COL4A4: variants seen among roughly 807,000 people sequenced by gnomAD.
COL4A4 encodes collagen alpha-4(IV) chain.
A neutral mutation model predicts 192.9 loss-of-function variants in COL4A4; 105 were observed. The ratio of observed to expected loss-of-function variants is 0.54; its 90% CI spans 0.46 to 0.64. The LOEUF (loss-of-function observed/expected upper bound fraction) is 0.64, where lower values mean the gene tolerates loss of function less well. Ranked by LOEUF, COL4A4 falls within the 30% of genes least tolerant of loss-of-function variation. The pLI, the probability that COL4A4 is intolerant of heterozygous loss-of-function variation, is 0.00. For missense variants in COL4A4, 1,967 were observed against 2,169.3 expected (o/e 0.91, Z 1.85); for synonymous variants, 762 against 769.9 (o/e 0.99, Z 0.17).
intron 18 of COL4A4, 42 bp downstream of exon 18, chr2:227,099,578 A>G (rs762170891): frequency 1.3e-6 from 2 of 1,591,142 alleles, no homozygotes; most frequent in East Asian, 2.2e-5. Flanking sequence ...CTCAACTCCT[A>G]TTTCTGCATA....
the COL4A4 span, chr2:226,997,162 C>T: frequency 6.6e-6 from 1 of 152,218 alleles, no homozygotes; most frequent in African/African-American, 2.4e-5. Context: ...CCAGTAATAT[C>T]TGAGCTCCTT....
intron 4 of COL4A4, among the ~76,000 whole-genome samples, chr2:227,138,410 G>T (rs2062966835): frequency 6.6e-6 from 1 of 152,110 alleles, no homozygotes; most frequent in African/African-American, 2.4e-5. Context: ...GAGGCTGGCG[G>T]ATCATGAGGT....
chr2:226,994,971 C>T, the COL4A4 span, among the ~76,000 whole-genome samples: 1 of 152,004 alleles, frequency 6.6e-6, no homozygotes, highest in Non-Finnish European at 1.5e-5. Context: ...TTCTTATTGG[C>T]CACATTGGGG....
chr2:227,057,711 C>T (rs1323034847), intron 28 of COL4A4, 111 bp from the exon 29 acceptor site: 8 of 1,152,308 alleles, frequency 6.9e-6, no homozygotes, highest in Non-Finnish European at 8.9e-6. Flanking sequence ...CATCCTGAAT[C>T]AGTGTTCAAA....
chr2:226,971,866 CT>C, the COL4A4 span, among the ~76,000 whole-genome samples: 1 of 149,840 alleles, frequency 6.7e-6, no homozygotes, highest in Non-Finnish European at 1.5e-5. Flanking sequence ...TGGCAAGGAA[CT>C]TATTGAACAT....
chr2:227,062,549 T>C lies in COL4A4; in HGVS notation c.2037A>G (p.Pro679=). The stretch of plus-strand genomic sequence containing the variant: ...TAATACCTGGAGGTCCATCAAAACC[T>C]GGAGGGCCATGCCTCCCAGGGTAGG... ...NVTYPGRHGP[P]GFDGPPGPKG... The change falls in exon 26 of 48, where the codon CCA becomes CCG. Residue 679 remains proline, a synonymous_variant. Transcript: ENST00000396625. 1.9e-6 allele frequency: 3 copies of C among 1,610,182 alleles called. No homozygotes were observed. The highest frequency in any genetic ancestry group is 2.5e-6 in the Non-Finnish European group (3 of 1,176,592).
Position 227,052,346 on chromosome 2 carries a change from T to C in COL4A4, c.2927A>G (p.Glu976Gly). The change falls in exon 32 of 48, where the codon GAA (glutamate) becomes GGA (glycine). Residue 976 changes from glutamate (E) to glycine (G), a missense_variant. Physicochemically the swap from Glu to Gly is moderately conservative, Grantham distance 98 (BLOSUM62 -2). Coordinates refer to ENST00000396625, the MANE Select transcript of COL4A4 (RefSeq NM_000092.5). ...AIISQKGTPG[E>G]PGPPGDDGFP... is the part of the protein sequence containing the mutation. ...TCCATCATCTCCAGGAGGTCCAGGTTCCCCAGGTGTTCCCTTTTGTGAAAT... is the reference window on the plus strand; with the variant it reads ...TCCATCATCTCCAGGAGGTCCAGGTCCCCCAGGTGTTCCCTTTTGTGAAAT... The C allele has an allele frequency of 6.2e-7, 1 of 1,613,430 alleles. No homozygotes were observed. The highest frequency in any genetic ancestry group is 8.5e-7 in the Non-Finnish European group (1 of 1,179,384).
chr2:227,014,532 A>C (rs1318003043), intron 44 of COL4A4, among the ~76,000 whole-genome samples: 3 of 152,188 alleles, frequency 2.0e-5, no homozygotes, highest in Non-Finnish European at 4.4e-5. Context: ...AGCAAACACA[A>C]GTACTGTTTA....
intron 43 of COL4A4, among the ~76,000 whole-genome samples, chr2:227,024,094 A>C (rs959047393): frequency 1.9e-4 from 29 of 152,304 alleles, no homozygotes; most frequent in Admixed American, 1.7e-3. Flanking sequence ...TACACACAGC[A>C]GAGTCTGGAT....
At chr2:227,125,040 G>A (rs2062004763) in intron 4 of COL4A4, among the ~76,000 whole-genome samples, 1 of 152,094 alleles carries the variant, frequency 6.6e-6, no homozygotes, top group Non-Finnish European at 1.5e-5. Flanking sequence ...TCTCTTTAAT[G>A]TGTTTCATTT....
At position 227,012,199 on chromosome 2, in the gene COL4A4, C is replaced by T; in HGVS notation, c.4315G>A (p.Gly1439Ser). ...ACTCTACCTGGTCCTCCAGGGTAGC[C>T]GTCTTCTCCTGTGTCACCTTTACGT... ...PGRKGDTGEDGYPGGPGPPGP... is the reference protein window; with the variant it reads ...PGRKGDTGEDSYPGGPGPPGP... Residue 1439 changes from glycine to serine, a missense_variant, in exon 45 of 48, where the codon GGC becomes AGC. Coordinates refer to ENST00000396625, the MANE Select transcript of COL4A4 (RefSeq NM_000092.5). The T allele has an allele frequency of 1.9e-6, 3 of 1,613,826 alleles. No homozygotes were observed. Among genetic ancestry groups the T allele is most frequent in the African/African-American group, 1.3e-5 (1 of 75,012 alleles).
At chr2:227,041,830 A>AAGAGAAAGAAAG (rs1456908722) in intron 37 of COL4A4, among the ~76,000 whole-genome samples, 3 of 43,462 alleles carry the variant, frequency 6.9e-5, no homozygotes, top group African/African-American at 2.6e-4. Flanking sequence ...GAAAGAAAGA[A>AAGAGAAAGAAAG]AGAAAGAAAG....
At chr2:227,026,942 A>G (rs950520594) in intron 42 of COL4A4, among the ~76,000 whole-genome samples, 2 of 152,212 alleles carry the variant, frequency 1.3e-5, no homozygotes, top group Non-Finnish European at 2.9e-5. Flanking sequence ...GAAGGAACAC[A>G]TATTTATTTC....
chr2:226,993,282 A>G, the COL4A4 span, among the ~76,000 whole-genome samples: 2 of 152,186 alleles, frequency 1.3e-5, no homozygotes, highest in Non-Finnish European at 2.9e-5. Context: ...TTCAGCCTCC[A>G]TGGGTTTCTG....
At chr2:227,032,382 C>A in intron 38 of COL4A4, 106 bp from the exon 39 acceptor site, 1 of 1,293,190 alleles carries the variant, frequency 7.7e-7, no homozygotes. Context: ...GTGGCTGGTT[C>A]TGCAGACACC....
chr2:227,013,286 GTC>G (rs748348575), intron 44 of COL4A4, among the ~76,000 whole-genome samples: 2 of 151,116 alleles, frequency 1.3e-5, no homozygotes, highest in Non-Finnish European at 1.5e-5. Context: ...TTCTCTCTCT[GTC>G]TCTCTCTCTC....
rs1272503999 is a variant in COL4A4, at chr2:227,164,125, G to C, written c.-220C>G. 2 of 152,364 alleles carry C rather than the reference G, an allele frequency of 1.3e-5. No homozygotes were observed. Among genetic ancestry groups the C allele is most frequent in the Non-Finnish European group, 2.9e-5 (2 of 68,200 alleles). The allele number at this position is 152,364 out of a possible 1,614,324, so 9.4% of individuals were successfully genotyped here. The stretch of plus-strand genomic sequence containing the variant: ...TCGCGGCGCTCTCGCAGCCAAGCCC[G>C]GCGGCCGCAAGTTGGAGGCGGGCTG... On this transcript the variant is annotated 5_prime_UTR_variant, in exon 1 of 48. Transcript: ENST00000396625. The surrounding 1 kb of genome is among the most constrained non-coding windows in gnomAD (Gnocchi z 4.8).
rs566734739 is a variant in COL4A4, at chr2:227,099,666, G to C, written c.1053C>G (p.His351Gln). Residue 351 changes from histidine (H) to glutamine (Q), a missense_variant, in exon 18 of 48, where the codon CAC becomes CAG. Coordinates refer to ENST00000396625, the MANE Select transcript of COL4A4 (RefSeq NM_000092.5). Reference protein sequence around the residue: ...GPKGDPGNRGHPGPPGVLVTP... With the variant: ...GPKGDPGNRGQPGPPGVLVTP... ...TCACCAAAACACCTGGTGGTCCTGG[G>C]TGCCCTCGATTTCCAGGATCCCCCT... 1.2e-5 allele frequency: 19 copies of C among 1,614,068 alleles called. No homozygotes were observed. Among genetic ancestry groups the C allele is most frequent in the Admixed American group, 6.7e-5 (4 of 60,016 alleles).
chr2:227,091,975 G>T (rs1449447940), intron 20 of COL4A4, among the ~76,000 whole-genome samples: 3 of 151,992 alleles, frequency 2.0e-5, no homozygotes, highest in Non-Finnish European at 4.4e-5. Context: ...GCTACATGCT[G>T]GATTAAAACT....
Sources: gnomAD v4.1 joint callset for allele counts (sites outside exome capture counted in the v4.1 genomes callset) on GRCh38, gnomAD v4.1.1 for gene constraint, Gnocchi (gnomAD v3.1) non-coding constraint, MANE v1.5 for transcripts, NCBI Gene and HGNC (gene_info 2026-07-23, HGNC 2026-07-21) for gene names.